CAP1: variants seen among roughly 807,000 people sequenced by gnomAD.
CAP1 encodes the protein adenylyl cyclase-associated protein 1.
Under a neutral mutation model 58.2 loss-of-function variants are expected in CAP1, and 11 were observed. The ratio of observed to expected loss-of-function variants is 0.19; its 90% CI spans 0.12 to 0.31. CAP1 has a LOEUF of 0.31. CAP1 is among the 10% of genes least tolerant of loss of function. The probability of loss-of-function intolerance (pLI) is 1.00; values close to 1 mark genes in which losing one functional copy is unlikely to be tolerated. For missense variants in CAP1, 423 were observed against 587.5 expected, an observed-to-expected ratio of 0.72 and a Z score of 2.89; for synonymous variants, 183 against 213.8, an observed-to-expected ratio of 0.86 and a Z score of 1.26.
At chr1:40,046,796 G>A (rs1407369351) in intron 1 of CAP1, among the ~76,000 whole-genome samples, 6 of 147,586 alleles carry the variant, frequency 4.1e-5, no homozygotes, top group African/African-American at 1.0e-4. Flanking sequence ...TTTTTGAGAC[G>A]GAGTCTCACT....
At chr1:40,053,523 T>G (rs1349139143) in intron 1 of CAP1, among the ~76,000 whole-genome samples, 1 of 152,104 alleles carries the variant, frequency 6.6e-6, no homozygotes, top group Non-Finnish European at 1.5e-5. Context: ...TGAACTCGGC[T>G]CACTGCAATC....
At chr1:40,068,476 C>G (rs1403742395) in intron 8 of CAP1, among the ~76,000 whole-genome samples, 1 of 151,476 alleles carries the variant, frequency 6.6e-6, no homozygotes, top group South Asian at 2.1e-4. Context: ...TGGGGTTTCT[C>G]CATGTTGGTC....
At chr1:40,054,682 C>T (rs1332054712) in intron 1 of CAP1, among the ~76,000 whole-genome samples, 4 of 150,954 alleles carry the variant, frequency 2.6e-5, no homozygotes, top group Non-Finnish European at 5.9e-5. Flanking sequence ...TGCTCTGTCA[C>T]CCAGGCTGGA....
At position 40,069,883 on chromosome 1, in the gene CAP1, A is replaced by T; in HGVS notation, c.993+9A>T. 1 of 1,541,930 alleles carries T rather than the reference A, an allele frequency of 6.5e-7. No individual in the cohort carries two copies. The highest frequency in any genetic ancestry group is 8.7e-7 in the Non-Finnish European group (1 of 1,148,574). ...GCAAGAAGTGGAGAGTGGTGAGTTAAAAATACCTAGACAGGGGCAGGTATT... is the reference window on the plus strand; with the variant it reads ...GCAAGAAGTGGAGAGTGGTGAGTTATAAATACCTAGACAGGGGCAGGTATT... On this transcript the variant is annotated intron_variant, in intron 9 of 12. Transcript: ENST00000372805.
At chr1:40,041,527 A>T (rs995414358) in intron 1 of CAP1, 8 of 152,228 alleles carry the variant, frequency 5.3e-5, no homozygotes, top group African/African-American at 1.9e-4. Context: ...CAGACGGCTC[A>T]GGTTTGGTCT....
At chr1:40,046,075 T>C (rs1646084753) in intron 1 of CAP1, among the ~76,000 whole-genome samples, 1 of 152,336 alleles carries the variant, frequency 6.6e-6, no homozygotes, top group South Asian at 2.1e-4. Flanking sequence ...TCCCTCTCTA[T>C]TGAAAATTGT....
At chr1:40,071,352 G>C (rs1005480745) in intron 12 of CAP1, 98 bp from the exon 13 acceptor site, 2 of 814,378 alleles carry the variant, frequency 2.5e-6, no homozygotes, top group African/African-American at 3.4e-5. Flanking sequence ...CGTGCTCCTG[G>C]GGTTAAGTGG....
intron 8 of CAP1, among the ~76,000 whole-genome samples, chr1:40,068,116 ATAAAG>A (rs1414002323): frequency 6.6e-6 from 1 of 152,182 alleles, no homozygotes; most frequent in Non-Finnish European, 1.5e-5. Context: ...TAATGTTGGT[ATAAAG>A]TAGATACCCT....
chr1:40,059,708 A>G (rs552699882), intron 2 of CAP1, among the ~76,000 whole-genome samples: 3 of 152,320 alleles, frequency 2.0e-5, no homozygotes, highest in South Asian at 2.1e-4. Flanking sequence ...AATGACTCCA[A>G]TGTAAGTCAA....
Position 40,064,548 on chromosome 1 carries a change from G to A in CAP1, c.513G>A (p.Glu171=). The change falls in exon 6 of 13, where the codon GAG becomes GAA. Residue 171 remains glutamate, a synonymous_variant. Coordinates refer to ENST00000372805, the MANE Select transcript of CAP1 (RefSeq NM_006367.4). ...AMFYTNRVLK[E]YKDVDKKHVD... ...TTTATACAAACCGAGTCCTCAAAGA[G>A]TACAAAGATGTGTAAGTTCAGCCTT... is the stretch of plus-strand genomic sequence containing the variant. 1 of 1,611,756 alleles carries A rather than the reference G, an allele frequency of 6.2e-7. No individual in the cohort carries two copies. The highest frequency in any genetic ancestry group is 8.5e-7 in the Non-Finnish European group (1 of 1,178,520).
At chr1:40,049,178 A>ATTTTTTTTTTTTTTTTTTTTTTT (rs72214452) in intron 1 of CAP1, among the ~76,000 whole-genome samples, 17 of 84,884 alleles carry the variant, frequency 2.0e-4, no homozygotes, top group Non-Finnish European at 2.5e-4. Context: ...GCCATTTCTA[A>ATTTTTTTTTTTTTTTTTTTTTTT]TTTTTTTTTT....
chr1:40,053,994 G>A (rs1409807864), intron 1 of CAP1, among the ~76,000 whole-genome samples: 4 of 152,084 alleles, frequency 2.6e-5, no homozygotes, highest in African/African-American at 9.7e-5. Flanking sequence ...TCGTGGCTGA[G>A]AAGGCAACAT....
At chr1:40,049,178 ATT>A (rs72214452) in intron 1 of CAP1, among the ~76,000 whole-genome samples, 5 of 84,886 alleles carry the variant, frequency 5.9e-5, no homozygotes, top group South Asian at 5.1e-4. Context: ...GCCATTTCTA[ATT>A]TTTTTTTTTT....
chr1:40,049,272 C>A (rs1304422693), intron 1 of CAP1, among the ~76,000 whole-genome samples: 1 of 144,380 alleles, frequency 6.9e-6, no homozygotes, highest in African/African-American at 2.6e-5. Context: ...CTGCAAACCT[C>A]CGCCTCCTGG....
chr1:40,064,200 T>A (rs753675591), intron 4 of CAP1, 27 bp from the exon 5 acceptor site: 2 of 1,612,408 alleles, frequency 1.2e-6, no homozygotes, highest in East Asian at 4.5e-5. Flanking sequence ...GATGTTAACC[T>A]GAATCTTTTC....
intron 1 of CAP1, among the ~76,000 whole-genome samples, chr1:40,059,032 T>TTTTTTTTTTTTTTTTTTTGAGACGG (rs1553163419): frequency 6.6e-6 from 1 of 152,022 alleles, no homozygotes; most frequent in Non-Finnish European, 1.5e-5. Context: ...TCTAACTTTC[T>TTTTTTTTTTTTTTTTTTTGAGACGG]ACACACAGTA....
In CAP1 at chr1:40,064,672, C is replaced by G. The variant is rs76636156; in HGVS notation, c.524+113C>G. 70,823 of 775,440 alleles carry G rather than the reference C, an allele frequency of 0.091. 4,225 individuals carry two copies. The highest frequency in any genetic ancestry group is 0.19 in the South Asian group (12,752 of 67,938). The allele number at this position is 775,440 out of a possible 1,614,324, so 48.0% of individuals were successfully genotyped here. Reference sequence around the variant, plus strand: ...GCTCATTGCAGCCTCAACCTCCCAGCTCAAACAATCCTCCCACCTCAGTCC... The same window carrying G: ...GCTCATTGCAGCCTCAACCTCCCAGGTCAAACAATCCTCCCACCTCAGTCC... On this transcript the variant is annotated intron_variant, in intron 6 of 12. Coordinates refer to ENST00000372805, the MANE Select transcript of CAP1 (RefSeq NM_006367.4).
chr1:40,063,414 C>T lies in CAP1; in HGVS notation c.295-813C>T, dbSNP rs146079990. Among the ~76,000 whole-genome samples, 113 of 151,920 alleles carry T rather than the reference C, an allele frequency of 7.4e-4. 1 individual carries two copies. Among genetic ancestry groups the T allele is most frequent in the African/African-American group, 2.3e-3 (95 of 41,432 alleles). On this transcript the variant is annotated intron_variant, in intron 4 of 12. Coordinates refer to ENST00000372805, the MANE Select transcript of CAP1 (RefSeq NM_006367.4). ...CTGATCTTAAACTCCTGGACTCAAG[C>T]GATCTGCCCACCTTGGCCTCCCAAA... is the stretch of plus-strand genomic sequence containing the variant.
At chr1:40,057,876 T>A (rs767271034) in intron 1 of CAP1, among the ~76,000 whole-genome samples, 14 of 152,240 alleles carry the variant, frequency 9.2e-5, no homozygotes, top group Non-Finnish European at 1.6e-4. Context: ...TTTTATGAGA[T>A]CACTTAGGGT....
Sources: allele counts gnomAD v4.1 joint callset (sites outside exome capture counted in the v4.1 genomes callset), GRCh38; gene constraint gnomAD v4.1.1; transcripts MANE v1.5; gene names NCBI Gene and HGNC (gene_info 2026-07-23, HGNC 2026-07-21).